Variants in POM121L2 observed in about 807,000 individuals in gnomAD.
The protein encoded by POM121L2 is POM121-like protein 2.
For missense variants in POM121L2, 1,167 were observed against 1,260.3 expected, an observed-to-expected ratio of 0.93 and a Z score of 1.12; for synonymous variants, 459 against 483.8, an observed-to-expected ratio of 0.95 and a Z score of 0.67.
Position 27,309,885 on chromosome 6 carries a change from T to G in POM121L2, c.2286A>C (p.Pro762=). The change falls in exon 1 of 1, where the codon CCA becomes CCC. Residue 762 remains proline (P), a synonymous_variant. Transcript: ENST00000444565. Reference sequence around the variant, plus strand: ...TAGCTCCTTGGGATAGTGGGAAAGGTGGCCTTGAGCTTGATCCCAAGGGAC... The same window carrying G: ...TAGCTCCTTGGGATAGTGGGAAAGGGGGCCTTGAGCTTGATCCCAAGGGAC... ...ITSPLGSSSR[P]PFPLSQGANP... is the part of the protein sequence containing the mutation. The G allele has an allele frequency of 6.4e-7, 1 of 1,551,744 alleles. No homozygotes were observed. Among genetic ancestry groups the G allele is most frequent in the South Asian group, 1.2e-5 (1 of 84,062 alleles).
rs1760731431 is a variant in POM121L2 at position 27,310,594 on chromosome 6, T to C, written c.1577A>G (p.Asp526Gly). The change falls in exon 1 of 1, where the codon GAT becomes GGT. Residue 526 changes from aspartate to glycine, a missense_variant. Asp to Gly is a moderately conservative substitution (Grantham distance 94, BLOSUM62 -1). Coordinates refer to ENST00000444565, the MANE Select transcript of POM121L2 (RefSeq NM_033482.4). ...TAACATGAGGTGAGCAGAAGTTGCA[T>C]CAGGAGGTGCAGATGCAGAAAGATG... ...TSHLSASAPP[D>G]ATSAHLMLKP... 8 of 1,551,898 alleles carry C rather than the reference T, an allele frequency of 5.2e-6. No individual in the cohort carries two copies. Among genetic ancestry groups the C allele is most frequent in the Non-Finnish European group, 7.0e-6 (8 of 1,147,024 alleles).
Position 27,311,781 on chromosome 6 carries a change from G to A in POM121L2, c.390C>T (p.Pro130=), listed in dbSNP as rs1424702387. The A allele has an allele frequency of 6.4e-7, 1 of 1,551,692 alleles. No individual in the cohort carries two copies. The highest frequency in any genetic ancestry group is 8.7e-7 in the Non-Finnish European group (1 of 1,147,024). The change falls in exon 1 of 1, where the codon CCC becomes CCT. Residue 130 remains proline, a synonymous_variant. Coordinates refer to ENST00000444565, the MANE Select transcript of POM121L2 (RefSeq NM_033482.4). ...TTACATCTTCAGGAGAAGTGGAAGGGGGCACTCTCTGGTCAGGAGGAGTGA... is the reference window on the plus strand; with the variant it reads ...TTACATCTTCAGGAGAAGTGGAAGGAGGCACTCTCTGGTCAGGAGGAGTGA... ...IRITPPDQRV[P]PSTSPEDVIA... is the part of the protein sequence containing the mutation.
Position 27,310,553 on chromosome 6 carries a change from G to A in POM121L2, c.1618C>T (p.Pro540Ser), listed in dbSNP as rs774777045. Residue 540 changes from proline (P) to serine (S), a missense_variant, in exon 1 of 1, where the codon CCC (proline) becomes TCC (serine). Coordinates refer to ENST00000444565, the MANE Select transcript of POM121L2 (RefSeq NM_033482.4). ...AHLMLKPILG[P>S]LHNSEIGSSS... Reference sequence around the variant, plus strand: ...CTTCCAATCTCGCTGTTGTGCAGGGGCCCCAAAATCGGTTTTAACATGAGG... The same window carrying A: ...CTTCCAATCTCGCTGTTGTGCAGGGACCCCAAAATCGGTTTTAACATGAGG... 6.4e-7 allele frequency: 1 copy of A among 1,552,154 alleles called. No homozygotes were observed. Among genetic ancestry groups the A allele is most frequent in the South Asian group, 1.2e-5 (1 of 84,060 alleles).
At position 27,310,351 on chromosome 6, in the gene POM121L2, T is replaced by G; in HGVS notation, c.1820A>C (p.His607Pro). ...SSKQTPPPFT[H>P]ASTHHFHGLV... ...GCCATGGAAATGATGGGTAGAAGCA[T>G]GAGTAAATGGAGGAGGGGTCTGCTT... The change falls in exon 1 of 1, where the codon CAT becomes CCT. Residue 607 changes from histidine to proline, a missense_variant. Coordinates refer to ENST00000444565, the MANE Select transcript of POM121L2 (RefSeq NM_033482.4). The G allele has an allele frequency of 6.4e-7, 1 of 1,552,084 alleles. No individual in the cohort carries two copies.
chr6:27,311,180 G>C lies in POM121L2; in HGVS notation c.991C>G (p.Leu331Val), dbSNP rs1366801578. 8.4e-6 allele frequency: 13 copies of C among 1,551,976 alleles called. No homozygotes were observed. The highest frequency in any genetic ancestry group is 2.0e-5 in the Admixed American group (1 of 51,018). ...TGGGGAGGTGGGATCTCTGACACCA[G>C]GTTCTCAGGGCTAGACGGCAGCTGT... is the stretch of plus-strand genomic sequence containing the variant. ...IPQLPSSPEN[L>V]VSEIPPPQLG... The change falls in exon 1 of 1, where the codon CTG becomes GTG. Residue 331 changes from leucine to valine, a missense_variant. Leu to Val is a conservative substitution (Grantham distance 32). Transcript: ENST00000444565.
chr6:27,312,035 G>A lies in POM121L2; in HGVS notation c.136C>T (p.Arg46Cys). The A allele has an allele frequency of 1.3e-6, 2 of 1,531,524 alleles. No individual in the cohort carries two copies. The highest frequency in any genetic ancestry group is 1.8e-6 in the Non-Finnish European group (2 of 1,135,090). 94.9% of individuals were successfully genotyped at this position (1,531,524 alleles called of 1,614,324 possible). A position where few individuals can be genotyped will look rare whatever the true frequency, so the allele number is the denominator to read the frequency against. ...HQVHRVQFVH[R>C]AHPAPRYRPV... is the part of the protein sequence containing the mutation. ...CTATACCGTGGGGCAGGGTGGGCGC[G>A]GTGGACGAACTGAACCCGATGAACT... Residue 46 changes from arginine to cysteine, a missense_variant, in exon 1 of 1, where the codon CGC becomes TGC. Physicochemically the swap from Arg to Cys is radical, Grantham distance 180 (BLOSUM62 -3). Coordinates refer to ENST00000444565, the MANE Select transcript of POM121L2 (RefSeq NM_033482.4). The surrounding 1 kb of genome is among the most constrained non-coding windows in gnomAD (Gnocchi z 6.7).
Position 27,309,411 on chromosome 6 carries a change from G to A in POM121L2, c.2760C>T (p.Ser920=). The A allele has an allele frequency of 6.4e-7, 1 of 1,551,588 alleles. No homozygotes were observed. Among genetic ancestry groups the A allele is most frequent in the Non-Finnish European group, 8.7e-7 (1 of 1,146,934 alleles). The part of the protein sequence containing the change: ...PDMSPTSGAF[S]IGALPSGTTN... ...TGGTCCCACTAGGCAATGCTCCAATGCTGAAAGCTCCAGAGGTGGGGCTCA... is the reference window on the plus strand; with the variant it reads ...TGGTCCCACTAGGCAATGCTCCAATACTGAAAGCTCCAGAGGTGGGGCTCA... The change falls in exon 1 of 1, where the codon AGC becomes AGT. Residue 920 remains serine, a synonymous_variant. Transcript: ENST00000444565.
In POM121L2 at chr6:27,308,484, G is replaced by A. The variant is rs1249307877; in HGVS notation, c.*579C>T. On this transcript the variant is annotated 3_prime_UTR_variant, in exon 1 of 1. Coordinates refer to ENST00000444565, the MANE Select transcript of POM121L2 (RefSeq NM_033482.4). ...TGAACTGTGGTATACTCATACAACT[G>A]AACACAATTAAAAATGGATTTTTAA... 6.6e-6 allele frequency among the ~76,000 whole-genome samples: 1 copy of A among 152,028 alleles called. No homozygotes were observed. Among genetic ancestry groups the A allele is most frequent in the South Asian group, 2.1e-4 (1 of 4,820 alleles).
Position 27,311,023 on chromosome 6 carries a change from T to A in POM121L2, c.1148A>T (p.Gln383Leu). The A allele has an allele frequency of 6.4e-7, 1 of 1,551,902 alleles. No individual in the cohort carries two copies. Among genetic ancestry groups the A allele is most frequent in the Non-Finnish European group, 8.7e-7 (1 of 1,146,874 alleles). The change falls in exon 1 of 1, where the codon CAG becomes CTG. Residue 383 changes from glutamine to leucine, a missense_variant. Gln to Leu is a moderately radical substitution (Grantham distance 113). Coordinates refer to ENST00000444565, the MANE Select transcript of POM121L2 (RefSeq NM_033482.4). Reference sequence around the variant, plus strand: ...AGGCAGAGCAAGAGACAAGGAAGGCTGAATAGCAAGCCAAGTCTCAGGGAA... The same window carrying A: ...AGGCAGAGCAAGAGACAAGGAAGGCAGAATAGCAAGCCAAGTCTCAGGGAA... ...DPFPETWLAI[Q>L]PSLSLALPSS...
At position 27,311,222 on chromosome 6, in the gene POM121L2, G is replaced by T; in HGVS notation, c.949C>A (p.Gln317Lys). 2 of 1,551,906 alleles carry T rather than the reference G, an allele frequency of 1.3e-6. No homozygotes were observed. The highest frequency in any genetic ancestry group is 1.7e-6 in the Non-Finnish European group (2 of 1,147,056). The part of the protein sequence containing the change: ...SLGGSESSGQ[Q>K]NQKIPQLPSS... Reference sequence around the variant, plus strand: ...GGCAGCTGTGGAATCTTCTGGTTTTGCTGCCCAGAACTTTCAGATCCTCCT... The same window carrying T: ...GGCAGCTGTGGAATCTTCTGGTTTTTCTGCCCAGAACTTTCAGATCCTCCT... Residue 317 changes from glutamine (Q) to lysine (K), a missense_variant, in exon 1 of 1, where the codon CAA (glutamine) becomes AAA (lysine). Transcript: ENST00000444565.
In POM121L2 at chr6:27,312,163, C is replaced by T. The variant is rs1214097506; in HGVS notation, c.8G>A (p.Ser3Asn). Reference sequence around the variant, plus strand: ...CGAAAGTTCCAGTTTGCTCAGGAAACTGCCCATGAGGAGAGATGAGGCGCG... The same window carrying T: ...CGAAAGTTCCAGTTTGCTCAGGAAATTGCCCATGAGGAGAGATGAGGCGCG... MGSFLSKLELSPS... is the reference protein window; with the variant it reads MGNFLSKLELSPS... The change falls in exon 1 of 1, where the codon AGT becomes AAT. Residue 3 changes from serine (S) to asparagine (N), a missense_variant. Physicochemically the swap from Ser to Asn is conservative, Grantham distance 46. Transcript: ENST00000444565. The surrounding 1 kb of genome is among the most constrained non-coding windows in gnomAD (Gnocchi z 6.7). 6.9e-7 allele frequency: 1 copy of T among 1,447,884 alleles called. No individual in the cohort carries two copies. The highest frequency in any genetic ancestry group is 1.4e-5 in the African/African-American group (1 of 69,776). 89.7% of individuals were successfully genotyped at this position (1,447,884 alleles called of 1,614,324 possible).
In POM121L2 at chr6:27,310,197, G is replaced by A; in HGVS notation, c.1974C>T (p.Val658=). The change falls in exon 1 of 1, where the codon GTC becomes GTT. Residue 658 remains valine, a synonymous_variant. Coordinates refer to ENST00000444565, the MANE Select transcript of POM121L2 (RefSeq NM_033482.4). ...VTSAVGNTYS[V]PSTCDTFLLG... ...GCAGGAAAGTGTCGCAAGTGGAAGG[G>A]ACAGAATAAGTGTTGCCTACGGCAC... The A allele has an allele frequency of 1.3e-6, 2 of 1,552,260 alleles. No homozygotes were observed. The highest frequency in any genetic ancestry group is 2.4e-5 in the East Asian group (1 of 40,920).
chr6:27,311,087 T>C lies in POM121L2; in HGVS notation c.1084A>G (p.Asn362Asp). ...GKKAELQVSN[N>D]AGEDTTEVNT... ...ACCTCAGTTGTATCTTCTCCTGCGT[T>C]GTTGCTTACCTGTAGCTCAGCTTTC... The change falls in exon 1 of 1, where the codon AAC becomes GAC. Residue 362 changes from asparagine (N) to aspartate (D), a missense_variant. Physicochemically the swap from Asn to Asp is conservative, Grantham distance 23 (BLOSUM62 1). Transcript: ENST00000444565. 2 of 1,551,922 alleles carry C rather than the reference T, an allele frequency of 1.3e-6. No individual in the cohort carries two copies. Among genetic ancestry groups the C allele is most frequent in the Non-Finnish European group, 1.7e-6 (2 of 1,147,042 alleles).
upstream of POM121L2, chr6:27,311,517 ACTTCT>A (rs1372909199): frequency 1.3e-6 from 2 of 1,551,486 alleles, no homozygotes; most frequent in African/African-American, 1.4e-5. Flanking sequence ...AGGAGTGGAG[ACTTCT>A]CTTCAGCGGC....
In POM121L2 at chr6:27,311,503, C is replaced by A. The variant is rs1482193556; in HGVS notation, c.668G>T (p.Gly223Val). Residue 223 changes from glycine (G) to valine (V), a missense_variant, in exon 1 of 1, where the codon GGC becomes GTC. Coordinates refer to ENST00000444565, the MANE Select transcript of POM121L2 (RefSeq NM_033482.4). ...GPLKRSLHSW[G>V]SDHSLTKRPN... Reference sequence around the variant, plus strand: ...CCTCTTAGTCAAGCTGTGATCTGAGCCCCAGGAGTGGAGACTTCTCTTCAG... The same window carrying A: ...CCTCTTAGTCAAGCTGTGATCTGAGACCCAGGAGTGGAGACTTCTCTTCAG... 3.2e-6 allele frequency: 5 copies of A among 1,551,788 alleles called. No homozygotes were observed. Among genetic ancestry groups the A allele is most frequent in the Non-Finnish European group, 4.4e-6 (5 of 1,147,018 alleles).
rs1378461645 is a variant in POM121L2 at position 27,309,069 on chromosome 6, C to T, written c.3102G>A (p.Lys1034=). The T allele has an allele frequency of 2.3e-5, 36 of 1,548,470 alleles. No individual in the cohort carries two copies. The highest frequency in any genetic ancestry group is 2.9e-5 in the Non-Finnish European group (33 of 1,145,192). Residue 1034 remains lysine (K), a synonymous_variant, in exon 1 of 1, where the codon AAG becomes AAA. Coordinates refer to ENST00000444565, the MANE Select transcript of POM121L2 (RefSeq NM_033482.4). ...KGHSRRHHAY[K]K is the part of the protein sequence containing the mutation. The stretch of plus-strand genomic sequence containing the variant: ...AAGTGACAGGGAACACAGGCTACTT[C>T]TTGTAGGCATGATGCCTTCGGGAAT...
Position 27,309,590 on chromosome 6 carries a change from T to C in POM121L2, c.2581A>G (p.Ser861Gly), listed in dbSNP as rs1760715694. The change falls in exon 1 of 1, where the codon AGT (serine) becomes GGT (glycine). Residue 861 changes from serine to glycine, a missense_variant. Physicochemically the swap from Ser to Gly is moderately conservative, Grantham distance 56 (BLOSUM62 0). Transcript: ENST00000444565. ...IPAGFPISQA[S>G]TTGFRIVIQT... ...ATTACAATTCTAAACCCAGTTGTAC[T>C]AGCTTGACTAATGGGAAAACCTGCT... 2 of 1,551,672 alleles carry C rather than the reference T, an allele frequency of 1.3e-6. No homozygotes were observed. The highest frequency in any genetic ancestry group is 1.4e-5 in the African/African-American group (1 of 73,060).
chr6:27,310,107 G>A lies in POM121L2; in HGVS notation c.2064C>T (p.His688=). 6.4e-7 allele frequency: 1 copy of A among 1,552,082 alleles called. No individual in the cohort carries two copies. Among genetic ancestry groups the A allele is most frequent in the Non-Finnish European group, 8.7e-7 (1 of 1,147,080 alleles). Residue 688 remains histidine (H), a synonymous_variant, in exon 1 of 1, where the codon CAC becomes CAT. Transcript: ENST00000444565. ...GCACAGTAGGAATTGTAGGATGGTG[G>A]TGTGGTGGGAAAATGAATCCTGTGG... The part of the protein sequence containing the change: ...TPATGFIFPP[H]HHPTIPTVHT...
chr6:27,311,596 C>T lies in POM121L2; in HGVS notation c.575G>A (p.Arg192Lys). ...CATCAGGGGCTTAAATGCCGATGGTCTGGTCTCTGGACTCCTTCTCTTACT... is the reference window on the plus strand; with the variant it reads ...CATCAGGGGCTTAAATGCCGATGGTTTGGTCTCTGGACTCCTTCTCTTACT... ...LDSKRRSPET[R>K]PSAFKPLMKN... Residue 192 changes from arginine to lysine, a missense_variant, in exon 1 of 1, where the codon AGA (arginine) becomes AAA (lysine). Physicochemically the swap from Arg to Lys is conservative, Grantham distance 26 (BLOSUM62 2). Coordinates refer to ENST00000444565, the MANE Select transcript of POM121L2 (RefSeq NM_033482.4). 2 of 1,551,756 alleles carry T rather than the reference C, an allele frequency of 1.3e-6. No homozygotes were observed.
Sources: allele counts gnomAD v4.1 joint callset (sites outside exome capture counted in the v4.1 genomes callset), GRCh38; gene constraint gnomAD v4.1.1; non-coding constraint Gnocchi (gnomAD v3.1); transcripts MANE v1.5; gene names NCBI Gene and HGNC (gene_info 2026-07-23, HGNC 2026-07-21).